MICU3: variants seen among roughly 807,000 people sequenced by gnomAD.
MICU3 encodes mitochondrial calcium uptake 3.
MICU3 carries 62 observed loss-of-function variants against 66.5 expected under a neutral mutation model. That is an observed-to-expected ratio of 0.93 (90% CI 0.76 to 1.15). The LOEUF (loss-of-function observed/expected upper bound fraction) is 1.15. MICU3 is among the 50% of genes most tolerant of loss of function. MICU3 has a pLI of 0.00. For missense variants in MICU3, 779 were observed against 664.4 expected (o/e 1.17, Z -1.90); for synonymous variants, 308 against 240.7 (o/e 1.28, Z -2.59).
Position 17,118,755 on chromosome 8 carries a change from A to G in MICU3, c.1573A>G (p.Lys525Glu). The G allele has an allele frequency of 6.2e-7, 1 of 1,611,808 alleles. No individual in the cohort carries two copies. Among genetic ancestry groups the G allele is most frequent in the Non-Finnish European group, 8.5e-7 (1 of 1,178,172 alleles). The change falls in exon 14 of 15, where the codon AAA becomes GAA. Residue 525 changes from lysine (K) to glutamate (E), a missense_variant. Physicochemically the swap from Lys to Glu is moderately conservative, Grantham distance 56. Transcript: ENST00000318063. ...KYPTFKSCLK[K>E]ELHSR ...CCCCACTTTCAAATCCTGCCTGAAG[A>G]AAGAACTTCACAGCAGATAAGTATG...
At chr8:17,095,364 A>G (rs934155244) in intron 8 of MICU3, among the ~76,000 whole-genome samples, 12 of 151,782 alleles carry the variant, frequency 7.9e-5, no homozygotes, top group Admixed American at 6.6e-4. Context: ...TTTTTTTCCT[A>G]TGATATACCT....
intron 3 of MICU3, among the ~76,000 whole-genome samples, chr8:17,075,835 A>G (rs1820311112): frequency 6.6e-6 from 1 of 152,140 alleles, no homozygotes; most frequent in South Asian, 2.1e-4. Flanking sequence ...TGTCAAACCC[A>G]TAGAGGGCAC....
At chr8:17,096,955 T>TTGTGTGTGTGTGTG (rs3988378) in intron 8 of MICU3, among the ~76,000 whole-genome samples, 49 of 141,650 alleles carry the variant, frequency 3.5e-4, no homozygotes, top group African/African-American at 5.5e-4. Context: ...CTAAATATAT[T>TTGTGTGTGTGTGTG]TGTGTGTGTG....
chr8:17,063,448 A>T (rs1404471706), intron 1 of MICU3, among the ~76,000 whole-genome samples: 2 of 152,164 alleles, frequency 1.3e-5, no homozygotes, highest in African/African-American at 4.8e-5. Context: ...TATTAAAAAA[A>T]ATTGCTCTAG....
At position 17,118,724 on chromosome 8, in the gene MICU3, G is replaced by T. The variant is rs750811032; in HGVS notation, c.1542G>T (p.Gln514His). The T allele has an allele frequency of 1.2e-6, 2 of 1,611,652 alleles. No homozygotes were observed. The highest frequency in any genetic ancestry group is 1.1e-5 in the South Asian group (1 of 90,918). Residue 514 changes from glutamine to histidine, a missense_variant, in exon 14 of 15, where the codon CAG becomes CAT. Coordinates refer to ENST00000318063, the MANE Select transcript of MICU3 (RefSeq NM_181723.3). ...HRGFRGYKTV[Q>H]KYPTFKSCLK... Reference sequence around the variant, plus strand: ...TTTTACAGGGTTATAAAACAGTCCAGAAGTACCCCACTTTCAAATCCTGCC... The same window carrying T: ...TTTTACAGGGTTATAAAACAGTCCATAAGTACCCCACTTTCAAATCCTGCC...
intron 1 of MICU3, among the ~76,000 whole-genome samples, chr8:17,036,283 C>G (rs1488428157): frequency 1.3e-5 from 2 of 152,088 alleles, no homozygotes; most frequent in Admixed American, 1.3e-4. Flanking sequence ...AGCTGCAGAT[C>G]TTCGCTGTGA....
intron 1 of MICU3, among the ~76,000 whole-genome samples, chr8:17,031,690 A>G (rs1812098785): frequency 6.6e-6 from 1 of 152,214 alleles, no homozygotes; most frequent in Non-Finnish European, 1.5e-5. Flanking sequence ...TAAGTATAAT[A>G]TGCTGCTGAG....
chr8:17,061,674 GA>G (rs1169199512), intron 1 of MICU3, among the ~76,000 whole-genome samples: 1 of 152,130 alleles, frequency 6.6e-6, no homozygotes, highest in African/African-American at 2.4e-5. Context: ...ATGGTTGATT[GA>G]TGTCACCTAG....
intron 1 of MICU3, among the ~76,000 whole-genome samples, chr8:17,031,111 A>C (rs1331775874): frequency 2.0e-5 from 3 of 151,960 alleles, no homozygotes; most frequent in Non-Finnish European, 4.4e-5. Flanking sequence ...CCAGCTACTC[A>C]GGGGGCTGAG....
At chr8:17,081,392 G>A (rs898338580) in intron 4 of MICU3, among the ~76,000 whole-genome samples, 18 of 151,930 alleles carry the variant, frequency 1.2e-4, no homozygotes, top group Non-Finnish European at 2.4e-4. Context: ...TTTGTGTTAA[G>A]AGTCGTACAT....
intron 9 of MICU3, among the ~76,000 whole-genome samples, chr8:17,101,281 A>G (rs1801233163): frequency 6.6e-6 from 1 of 151,874 alleles, no homozygotes; most frequent in African/African-American, 2.4e-5. Flanking sequence ...AACAATGAGC[A>G]CAAGAATCAC....
chr8:17,117,685 T>C (rs1802814550), intron 13 of MICU3, among the ~76,000 whole-genome samples: 1 of 148,636 alleles, frequency 6.7e-6, no homozygotes, highest in South Asian at 2.1e-4. Flanking sequence ...CTCAGCCCAC[T>C]GCAACCTCCG....
rs528673539 is a variant in MICU3 at position 17,078,857 on chromosome 8, TA to T, written c.646+1004del. Among the ~76,000 whole-genome samples the T allele has an allele frequency of 8.6e-3, 1,314 of 152,108 alleles. 14 individuals are homozygous for T. The highest frequency in any genetic ancestry group is 0.03 in the African/African-American group (1,239 of 41,484). On this transcript the variant is annotated intron_variant, in intron 4 of 14. Transcript: ENST00000318063. ...TCAAGAAACCTAGGCCAAAGTGTCT[TA>T]AAAAAAATCTTAGAAATTTTTTTCC...
intron 1 of MICU3, among the ~76,000 whole-genome samples, chr8:17,048,985 T>C (rs1815591494): frequency 2.0e-5 from 3 of 152,102 alleles, no homozygotes; most frequent in Admixed American, 2.0e-4. Flanking sequence ...TTATTATGGA[T>C]CCATGCAAAT....
At chr8:17,042,365 A>G (rs1031971805) in intron 1 of MICU3, among the ~76,000 whole-genome samples, 1 of 152,116 alleles carries the variant, frequency 6.6e-6, no homozygotes, top group Admixed American at 6.6e-5. Flanking sequence ...TTATGTAAAC[A>G]CTCCTGTGAT....
intron 11 of MICU3, among the ~76,000 whole-genome samples, chr8:17,107,538 G>A (rs1186682751): frequency 6.6e-6 from 1 of 152,148 alleles, no homozygotes; most frequent in Non-Finnish European, 1.5e-5. Context: ...AAGAGTGATG[G>A]GAAGCCACTA....
At chr8:17,110,395 G>A (rs964962485) in intron 11 of MICU3, among the ~76,000 whole-genome samples, 2 of 151,830 alleles carry the variant, frequency 1.3e-5, no homozygotes, top group Non-Finnish European at 1.5e-5. Context: ...AGTAAGCCCC[G>A]TACCTATGAT....
At chr8:17,088,464 G>A (rs1167759989) in intron 7 of MICU3, among the ~76,000 whole-genome samples, 3 of 151,832 alleles carry the variant, frequency 2.0e-5, no homozygotes, top group Non-Finnish European at 4.4e-5. Flanking sequence ...TACTAAATGA[G>A]TAAACAGTTA....
At chr8:17,052,925 A>G (rs1816341504) in intron 1 of MICU3, among the ~76,000 whole-genome samples, 1 of 152,192 alleles carries the variant, frequency 6.6e-6, no homozygotes, top group Non-Finnish European at 1.5e-5. Context: ...GTGTAGAAAT[A>G]TAAATTTGCA....
Sources: allele counts gnomAD v4.1 joint callset (sites outside exome capture counted in the v4.1 genomes callset), GRCh38; gene constraint gnomAD v4.1.1; transcripts MANE v1.5; gene names NCBI Gene and HGNC (gene_info 2026-07-23, HGNC 2026-07-21).